Variants in ADAM23 observed in about 807,000 individuals in gnomAD.
ADAM23 encodes ADAM metallopeptidase domain 23, also known as disintegrin and metalloproteinase domain-containing protein 23.
A neutral mutation model predicts 120.1 loss-of-function variants in ADAM23; 33 were observed. The observed-to-expected ratio is 0.27, with a 90% confidence interval of 0.21 to 0.37. The LOEUF is 0.37. Among genes scored for constraint, ADAM23 ranks in the 10% least tolerant of loss-of-function variants. ADAM23 has a pLI of 1.00. For synonymous variants in ADAM23, 367 were observed against 375.2 expected (o/e 0.98, Z 0.25); for missense variants, 862 against 1,058.2 (o/e 0.81, Z 2.57).
At chr2:206,445,909 C>T (rs1375217458) in intron 2 of ADAM23, among the ~76,000 whole-genome samples, 1 of 152,204 alleles carries the variant, frequency 6.6e-6, no homozygotes, top group Non-Finnish European at 1.5e-5. Context: ...TGCTTTCAAT[C>T]TGCACATGCA....
chr2:206,597,438 T>C (rs1262477501), intron 24 of ADAM23, among the ~76,000 whole-genome samples: 1 of 152,016 alleles, frequency 6.6e-6, no homozygotes, highest in African/African-American at 2.4e-5. Flanking sequence ...TTGGCTGGGA[T>C]TACAGGTGTG....
intron 3 of ADAM23, among the ~76,000 whole-genome samples, chr2:206,482,332 C>G (rs1244045592): frequency 2.0e-5 from 3 of 152,188 alleles, no homozygotes; most frequent in African/African-American, 7.2e-5. Context: ...TTTCACCATG[C>G]TGTGTCAGCA....
At chr2:206,526,193 CACACGTCTAT>C (rs1406406062) in intron 3 of ADAM23, among the ~76,000 whole-genome samples, 2 of 151,536 alleles carry the variant, frequency 1.3e-5, no homozygotes, top group Non-Finnish European at 2.9e-5. Flanking sequence ...CACACACAGA[CACACGTCTAT>C]ACACATACAT....
chr2:206,587,240 AC>A, intron 18 of ADAM23, 84 bp from the exon 19 acceptor site: 1 of 935,670 alleles, frequency 1.1e-6, no homozygotes, highest in South Asian at 1.7e-5. Flanking sequence ...ATATATATCC[AC>A]CATGCTTGCA....
intron 6 of ADAM23, among the ~76,000 whole-genome samples, chr2:206,544,452 G>T (rs1443833811): frequency 6.6e-6 from 1 of 152,046 alleles, no homozygotes; most frequent in Non-Finnish European, 1.5e-5. Flanking sequence ...TAGGTTCTGG[G>T]GATACTTTGG....
chr2:206,566,433 A>G (rs560074193), intron 14 of ADAM23, among the ~76,000 whole-genome samples: 1 of 151,916 alleles, frequency 6.6e-6, no homozygotes, highest in South Asian at 2.1e-4. Flanking sequence ...TGTTATAATC[A>G]CGCACTGTAT....
chr2:206,547,726 A>T (rs1559258606), intron 7 of ADAM23, among the ~76,000 whole-genome samples: 1 of 152,290 alleles, frequency 6.6e-6, no homozygotes, highest in Admixed American at 6.5e-5. Flanking sequence ...CTGCCTTGGG[A>T]ACCAGAAAGT....
chr2:206,489,969 C>T (rs1696097053), intron 3 of ADAM23, among the ~76,000 whole-genome samples: 1 of 152,180 alleles, frequency 6.6e-6, no homozygotes, highest in Non-Finnish European at 1.5e-5. Context: ...CTGTGTGTCT[C>T]CCACTCTGCA....
At chr2:206,567,115 C>T (rs1574538507) in intron 14 of ADAM23, 108 bp from the exon 15 acceptor site, 1 of 835,938 alleles carries the variant, frequency 1.2e-6, no homozygotes, top group Non-Finnish European at 1.9e-6. Context: ...TGTGTAGATT[C>T]ATTTGGATTC....
At chr2:206,608,514 C>T (rs940039637) in intron 24 of ADAM23, among the ~76,000 whole-genome samples, 1 of 152,154 alleles carries the variant, frequency 6.6e-6, no homozygotes, top group Non-Finnish European at 1.5e-5. Flanking sequence ...GTGTCCAGCA[C>T]ATAGTAAGTG....
At chr2:206,451,617 C>G (rs1423230962) in intron 2 of ADAM23, among the ~76,000 whole-genome samples, 1 of 152,192 alleles carries the variant, frequency 6.6e-6, no homozygotes, top group Non-Finnish European at 1.5e-5. Context: ...CATTTATAGA[C>G]ATAGCAGTTG....
At position 206,444,094 on chromosome 2, in the gene ADAM23, C is replaced by T. The variant is rs1340663373; in HGVS notation, c.214+14C>T. The T allele has an allele frequency of 4.3e-5, 56 of 1,303,606 alleles. No homozygotes were observed. Among genetic ancestry groups the T allele is most frequent in the Middle Eastern group, 2.5e-4 (1 of 3,986 alleles). The allele number at this position is 1,303,606 out of a possible 1,614,324, so 80.8% of individuals were successfully genotyped here. ...CTGCGCCCAGCGGTGGGTATGGCCC[C>T]GTGCCCTTTGCGTTGGCTTTCCCGC... On this transcript the variant is annotated intron_variant, in intron 1 of 25. Transcript: ENST00000264377.
intron 1 of ADAM23, among the ~76,000 whole-genome samples, 176 bp downstream of exon 1, chr2:206,444,256 T>G (rs1695028134): frequency 6.6e-6 from 1 of 152,256 alleles, no homozygotes; most frequent in Non-Finnish European, 1.5e-5. Flanking sequence ...AGTTCACTTT[T>G]GGAAGTCCAT....
intron 2 of ADAM23, among the ~76,000 whole-genome samples, chr2:206,451,085 A>C (rs1020383489): frequency 9.2e-5 from 14 of 152,192 alleles, no homozygotes; most frequent in Middle Eastern, 3.2e-3. Context: ...GAAGCAATTG[A>C]GCTGGCCCTA....
intron 3 of ADAM23, among the ~76,000 whole-genome samples, chr2:206,518,211 G>A (rs1169778288): frequency 6.6e-6 from 1 of 152,144 alleles, no homozygotes; most frequent in Non-Finnish European, 1.5e-5. Flanking sequence ...TAGGATAGAA[G>A]GAATGTGTGT....
At chr2:206,508,858 C>G (rs530870217) in intron 3 of ADAM23, among the ~76,000 whole-genome samples, 16 of 152,224 alleles carry the variant, frequency 1.1e-4, no homozygotes, top group African/African-American at 3.6e-4. Flanking sequence ...CAACATAAGA[C>G]TTGTAACAAA....
intron 2 of ADAM23, 113 bp downstream of exon 2, chr2:206,445,637 G>T (rs1559209806): frequency 1.1e-6 from 1 of 875,850 alleles, no homozygotes; most frequent in Non-Finnish European, 1.8e-6. Flanking sequence ...TATTAAGAAA[G>T]CAATTAATAT....
chr2:206,541,959 C>A, intron 4 of ADAM23, 93 bp from the exon 5 acceptor site: 2 of 1,263,458 alleles, frequency 1.6e-6, no homozygotes, highest in Non-Finnish European at 2.3e-6. Flanking sequence ...CACATATATG[C>A]CCATCCTTGC....
chr2:206,499,989 T>C (rs1696354220), intron 3 of ADAM23, among the ~76,000 whole-genome samples: 1 of 152,148 alleles, frequency 6.6e-6, no homozygotes, highest in African/African-American at 2.4e-5. Flanking sequence ...CGTACTACAT[T>C]TTTCTTGTTT....
Sources: gnomAD v4.1 joint callset for allele counts (sites outside exome capture counted in the v4.1 genomes callset) on GRCh38, gnomAD v4.1.1 for gene constraint, MANE v1.5 for transcripts, NCBI Gene and HGNC (gene_info 2026-07-23, HGNC 2026-07-21) for gene names.